Variants in ZBTB41 observed in about 807,000 individuals in gnomAD.
ZBTB41 encodes zinc finger and BTB domain-containing protein 41.
A neutral mutation model predicts 87.6 loss-of-function variants in ZBTB41; 42 were observed. The observed-to-expected ratio is 0.48, with a 90% CI of 0.37 to 0.62. The LOEUF is 0.62. Ranked by LOEUF, ZBTB41 falls within the 20% of genes least tolerant of loss-of-function variation. ZBTB41 has a pLI of 0.00. For synonymous variants in ZBTB41, 364 were observed against 364.0 expected (o/e 1.00, Z 0.00); for missense variants, 799 against 1,078.9 (o/e 0.74, Z 3.63).
chr1:197,188,187 A>C (rs1659932340), intron 5 of ZBTB41, 105 bp downstream of exon 5: 1 of 1,362,920 alleles, frequency 7.3e-7, no homozygotes, highest in Non-Finnish European at 1.0e-6. Context: ...CACTCTTAAA[A>C]AGTCTTTTAG....
chr1:197,192,262 C>G (rs139674373), intron 2 of ZBTB41, among the ~76,000 whole-genome samples: 1 of 152,176 alleles, frequency 6.6e-6, no homozygotes, highest in East Asian at 1.9e-4. Context: ...AGCAAAAGAT[C>G]AATTCATCAT....
rs1660032237 is a variant in ZBTB41, at chr1:197,191,475, A to AAGAG, written c.1328+216_1328+217insCTCT. Among the ~76,000 whole-genome samples the AAGAG allele has an allele frequency of 2.6e-5, 4 of 151,624 alleles. No individual in the cohort carries two copies. The South Asian group carries it at 8.3e-4, about 31-fold the overall frequency. Reference sequence around the variant, plus strand: ...CTACTTCAAAAAAAAAAAAAAAAAAAAAAGAGAAAGAAACTTATCAGAGTA... The same window carrying AAGAG: ...CTACTTCAAAAAAAAAAAAAAAAAAAAGAGAAAGAGAAAGAAACTTATCAGAGTA... On this transcript the variant is annotated intron_variant, in intron 3 of 10. Transcript: ENST00000367405.
chr1:197,199,847 G>A lies in ZBTB41; in HGVS notation c.627C>T (p.Cys209=), dbSNP rs1262358713. ...AACAAAAATGTCTACTACAGAATTTGCACTGATGATTATTTGATAGTCTTC... is the reference window on the plus strand; with the variant it reads ...AACAAAAATGTCTACTACAGAATTTACACTGATGATTATTTGATAGTCTTC... ...LTGRLSNNHQ[C]KFCSRHFCYK... The change falls in exon 2 of 11, where the codon TGC becomes TGT. Residue 209 remains cysteine, a synonymous_variant. Transcript: ENST00000367405. 6.2e-7 allele frequency: 1 copy of A among 1,610,152 alleles called. No homozygotes were observed.
At chr1:197,186,339 A>G (rs1244362872) in intron 5 of ZBTB41, among the ~76,000 whole-genome samples, 2 of 152,128 alleles carry the variant, frequency 1.3e-5, no homozygotes. Flanking sequence ...TGAACTCAAA[A>G]TGAATCACAA....
Position 197,175,009 on chromosome 1 carries a change from C to T in ZBTB41, c.1985+1G>A. The T allele has an allele frequency of 6.2e-7, 1 of 1,607,504 alleles. No individual in the cohort carries two copies. ...ATGAGACATTTTGCTTTTTCACTTA[C>T]TTTTGCCACACTTTCTCTCCAAGGT... On this transcript the variant is annotated splice_donor_variant, in intron 9 of 10. Transcript: ENST00000367405. LOFTEE classifies it high-confidence loss of function.
At chr1:197,190,300 A>C (rs938242833) in intron 4 of ZBTB41, among the ~76,000 whole-genome samples, 2 of 152,184 alleles carry the variant, frequency 1.3e-5, no homozygotes, top group Non-Finnish European at 2.9e-5. Context: ...ACTTCAGCTG[A>C]CAACAAGCAG....
In ZBTB41 at chr1:197,191,827, T is replaced by C; in HGVS notation, c.1193A>G (p.Tyr398Cys). 6.2e-7 allele frequency: 1 copy of C among 1,614,000 alleles called. No individual in the cohort carries two copies. Among genetic ancestry groups the C allele is most frequent in the Non-Finnish European group, 8.5e-7 (1 of 1,179,940 alleles). Residue 398 changes from tyrosine (Y) to cysteine (C), a missense_variant, in exon 3 of 11, where the codon TAT (tyrosine) becomes TGT (cysteine). This residue lies in a region of ZBTB41 where 294 missense variants were observed against 340.1 expected (regional missense o/e 0.86). Transcript: ENST00000367405. ...PFECDICHQR[Y>C]STKSNLTVHR... Reference sequence around the variant, plus strand: ...AACAGTTAGGTTAGACTTTGTTGAATAGCGCTGGTGACAAATATCACACTC... The same window carrying C: ...AACAGTTAGGTTAGACTTTGTTGAACAGCGCTGGTGACAAATATCACACTC...
At position 197,191,806 on chromosome 1, in the gene ZBTB41, G is replaced by A. The variant is rs757793332; in HGVS notation, c.1214C>T (p.Thr405Ile). 1 of 1,613,844 alleles carries A rather than the reference G, an allele frequency of 6.2e-7. No homozygotes were observed. The highest frequency in any genetic ancestry group is 2.2e-5 in the East Asian group (1 of 44,852). The change falls in exon 3 of 11, where the codon ACT becomes ATT. Residue 405 changes from threonine (T) to isoleucine (I), a missense_variant. Physicochemically the swap from Thr to Ile is moderately conservative, Grantham distance 89. This residue lies in a region of ZBTB41 where 294 missense variants were observed against 340.1 expected (regional missense o/e 0.86). Transcript: ENST00000367405. Reference sequence around the variant, plus strand: ...ATTACTGTGCTTCTTTCTGTGAACAGTTAGGTTAGACTTTGTTGAATAGCG... The same window carrying A: ...ATTACTGTGCTTCTTTCTGTGAACAATTAGGTTAGACTTTGTTGAATAGCG... ...HQRYSTKSNL[T>I]VHRKKHSNET...
At chr1:197,168,021 A>G (rs10732296) in intron 10 of ZBTB41, among the ~76,000 whole-genome samples, 114,486 of 152,068 alleles carry the variant, frequency 0.75, 47,592 homozygotes, top group East Asian at 0.98. Context: ...TGAAAGTTCA[A>G]AAAAAGCTAG....
At chr1:197,196,644 T>C (rs1236477033) in intron 2 of ZBTB41, among the ~76,000 whole-genome samples, 1 of 152,224 alleles carries the variant, frequency 6.6e-6, no homozygotes, top group Non-Finnish European at 1.5e-5. Context: ...GAATAAAGTC[T>C]AGTCTAGTTA....
chr1:197,195,151 A>C (rs1409239172), intron 2 of ZBTB41, among the ~76,000 whole-genome samples: 1 of 152,208 alleles, frequency 6.6e-6, no homozygotes, highest in Non-Finnish European at 1.5e-5. Context: ...AATTTCAAAA[A>C]CAGTATTCCT....
chr1:197,188,470 G>A, intron 4 of ZBTB41, 31 bp from the exon 5 acceptor site: 2 of 1,541,374 alleles, frequency 1.3e-6, no homozygotes, highest in Non-Finnish European at 1.7e-6. Context: ...AATGTTAAGA[G>A]AACCTGAATT....
intron 2 of ZBTB41, 27 bp downstream of exon 2, chr1:197,199,327 G>A (rs1280260057): frequency 6.8e-7 from 1 of 1,468,040 alleles, no homozygotes; most frequent in Admixed American, 2.7e-5. Context: ...AGTGATTAGA[G>A]ATAGAAAACC....
intron 5 of ZBTB41, among the ~76,000 whole-genome samples, chr1:197,181,330 C>G (rs1362474778): frequency 6.6e-6 from 1 of 152,062 alleles, no homozygotes; most frequent in Non-Finnish European, 1.5e-5. Flanking sequence ...AGAATGAATG[C>G]TGAACAAACT....
At chr1:197,167,262 C>T (rs1314968805) in intron 10 of ZBTB41, among the ~76,000 whole-genome samples, 2 of 152,162 alleles carry the variant, frequency 1.3e-5, no homozygotes, top group African/African-American at 4.8e-5. Context: ...GTGGTGCCAT[C>T]CCAGCTCACT....
intron 5 of ZBTB41, among the ~76,000 whole-genome samples, chr1:197,182,467 G>A (rs1017358365): frequency 2.7e-5 from 4 of 147,198 alleles, no homozygotes; most frequent in African/African-American, 9.8e-5. Context: ...TATATAGACA[G>A]TATCTCACTA....
chr1:197,180,969 T>C lies in ZBTB41; in HGVS notation c.1676+19A>G. 1.9e-6 allele frequency: 3 copies of C among 1,582,704 alleles called. No homozygotes were observed. Among genetic ancestry groups the C allele is most frequent in the South Asian group, 1.2e-5 (1 of 85,074 alleles). ...ATAATAGTACTAGGATTTTTGTGGG[T>C]GTGCAGATAATTCTTCACCTTTCTC... is the stretch of plus-strand genomic sequence containing the variant. On this transcript the variant is annotated intron_variant, in intron 6 of 10. Transcript: ENST00000367405.
chr1:197,191,968 G>T lies in ZBTB41; in HGVS notation c.1121-69C>A, dbSNP rs1334308076. The T allele has an allele frequency of 5.4e-6, 7 of 1,285,882 alleles. No homozygotes were observed. The African/African-American group carries it at 9.0e-5, about 17-fold the overall frequency. 79.7% of individuals were successfully genotyped at this position (1,285,882 alleles called of 1,614,324 possible). A position where few individuals can be genotyped will look rare whatever the true frequency, so the allele number is the denominator to read the frequency against. On this transcript the variant is annotated intron_variant, in intron 2 of 10. Transcript: ENST00000367405. ...ATACTGTGATTGGAATTTGAGAGTG[G>T]AATAAAACCTCATGATTTAGCAAAC... is the stretch of plus-strand genomic sequence containing the variant.
chr1:197,197,889 T>G (rs1265124842), intron 2 of ZBTB41, among the ~76,000 whole-genome samples: 1 of 152,224 alleles, frequency 6.6e-6, no homozygotes, highest in Non-Finnish European at 1.5e-5. Context: ...TAATGTTCAG[T>G]GGGACAGTTT....
Sources: allele counts gnomAD v4.1 joint callset (sites outside exome capture counted in the v4.1 genomes callset), GRCh38; gene constraint gnomAD v4.1.1; regional missense constraint gnomAD v4.1.1; transcripts MANE v1.5; gene names NCBI Gene and HGNC (gene_info 2026-07-23, HGNC 2026-07-21).